The following SLC4A5 variants were observed in gnomAD, a reference collection of about 807,000 sequenced individuals.
SLC4A5 encodes solute carrier family 4 member 5, also known as electrogenic sodium bicarbonate cotransporter 4.
SLC4A5 carries 96 observed loss-of-function variants against 120.4 expected under a neutral mutation model. That is an observed-to-expected ratio of 0.80 (90% CI 0.68 to 0.94). The LOEUF (loss-of-function observed/expected upper bound fraction) is 0.94. Ranked by LOEUF, SLC4A5 falls within the 40% of genes least tolerant of loss-of-function variation. SLC4A5 has a pLI of 0.00. For synonymous variants in SLC4A5, 550 were observed against 571.1 expected, an observed-to-expected ratio of 0.96 and a Z score of 0.53; for missense variants, 1,259 against 1,459.5, an observed-to-expected ratio of 0.86 and a Z score of 2.24.
intron 12 of SLC4A5, among the ~76,000 whole-genome samples, chr2:74,258,331 G>C (rs1448285838): frequency 6.6e-6 from 1 of 152,252 alleles, no homozygotes; most frequent in Non-Finnish European, 1.5e-5. Flanking sequence ...TCAGCAAGGA[G>C]AACCAGATGC....
At chr2:74,232,445 T>C in intron 24 of SLC4A5, 24 bp downstream of exon 24, 1 of 1,608,496 alleles carries the variant, frequency 6.2e-7, no homozygotes, top group Non-Finnish European at 8.5e-7. Context: ...CATTGGGTGA[T>C]CCCTAGGCCC....
chr2:74,303,584 G>C (rs1041480930), intron 7 of SLC4A5, among the ~76,000 whole-genome samples: 11 of 152,126 alleles, frequency 7.2e-5, no homozygotes, highest in African/African-American at 2.7e-4. Context: ...TCTTAAGATT[G>C]ATCATTTTCT....
chr2:74,252,336 C>T, exon 16 of SLC4A5: 4 of 1,613,720 alleles, frequency 2.5e-6, no homozygotes, highest in East Asian at 2.2e-5. Context: ...CCGCCGCCTC[C>T]TCCCACAGAG....
At chr2:74,315,816 A>G (rs1672950990) in intron 5 of SLC4A5, among the ~76,000 whole-genome samples, 1 of 151,842 alleles carries the variant, frequency 6.6e-6, no homozygotes, top group Admixed American at 6.6e-5. Flanking sequence ...GAAAAAACAA[A>G]AGCAATCTAT....
intron 20 of SLC4A5, among the ~76,000 whole-genome samples, 161 bp from the exon 21 acceptor site, chr2:74,239,696 G>A (rs543967136): frequency 3.9e-5 from 6 of 152,118 alleles, no homozygotes; most frequent in Non-Finnish European, 8.8e-5. Flanking sequence ...TTCAAGGAAT[G>A]ACAAGCTCCC....
intron 6 of SLC4A5, chr2:74,308,037 G>T: frequency 1.9e-6 from 1 of 519,946 alleles, no homozygotes; most frequent in Non-Finnish European, 3.9e-6. Context: ...TGAGAGGAAA[G>T]GACTCAGGCT....
chr2:74,306,768 T>C lies in SLC4A5; in HGVS notation c.80-2088A>G, dbSNP rs752484362. 10 of 991,936 alleles carry C rather than the reference T, an allele frequency of 1.0e-5. No individual in the cohort carries two copies. The Admixed American group carries it at 1.3e-4, about 13-fold the overall frequency. 61.4% of individuals were successfully genotyped at this position (991,936 alleles called of 1,614,324 possible). A position where few individuals can be genotyped will look rare whatever the true frequency, so the allele number is the denominator to read the frequency against. ...GGTGTCATTATTCTCAGACACCACT[T>C]TGCCATCCACTATCCAGTGGGTAGT... On this transcript the variant is annotated intron_variant, in intron 6 of 30. Transcript: ENST00000394019.
intron 15 of SLC4A5, among the ~76,000 whole-genome samples, chr2:74,252,727 T>C (rs1311832407): frequency 1.3e-5 from 2 of 152,030 alleles, no homozygotes; most frequent in Non-Finnish European, 2.9e-5. Flanking sequence ...GCAGGGACTA[T>C]AGGTGCATGC....
intron 14 of SLC4A5, among the ~76,000 whole-genome samples, chr2:74,254,210 G>A (rs1206840543): frequency 2.0e-5 from 3 of 152,160 alleles, no homozygotes; most frequent in East Asian, 3.9e-4. Flanking sequence ...ATTACCTCCT[G>A]CCCTTGAAGC....
At chr2:74,290,639 G>T in intron 7 of SLC4A5, 8 of 982,150 alleles carry the variant, frequency 8.1e-6, no homozygotes, top group Non-Finnish European at 8.5e-6. Context: ...GAGAGAGAGA[G>T]AGAGAGAGAG....
intron 8 of SLC4A5, among the ~76,000 whole-genome samples, chr2:74,277,385 C>T (rs1671677866): frequency 6.6e-6 from 1 of 152,130 alleles, no homozygotes; most frequent in South Asian, 2.1e-4. Flanking sequence ...TCTATCTCTA[C>T]TAAAAACGCA....
chr2:74,262,038 G>T, intron 11 of SLC4A5, 99 bp downstream of exon 11: 1 of 1,098,646 alleles, frequency 9.1e-7, no homozygotes, highest in Non-Finnish European at 1.3e-6. Flanking sequence ...ATTCTTGGCA[G>T]ATCCTGGGCT....
intron 5 of SLC4A5, among the ~76,000 whole-genome samples, chr2:74,323,884 A>C (rs991573030): frequency 6.6e-6 from 1 of 152,202 alleles, no homozygotes; most frequent in Non-Finnish European, 1.5e-5. Flanking sequence ...TAGCAGGAAT[A>C]ATTATTACTA....
chr2:74,244,172 TGTTCTA>T (rs965187903), intron 19 of SLC4A5, among the ~76,000 whole-genome samples: 4 of 152,206 alleles, frequency 2.6e-5, no homozygotes, highest in African/African-American at 9.6e-5. Context: ...AAAACTAACT[TGTTCTA>T]GTTCTAGTTC....
chr2:74,262,936 G>T (rs1671188433), intron 10 of SLC4A5, among the ~76,000 whole-genome samples: 1 of 152,214 alleles, frequency 6.6e-6, no homozygotes, highest in Non-Finnish European at 1.5e-5. Flanking sequence ...TTGTGAGGAT[G>T]AAGTGAGTTA....
chr2:74,331,698 C>A (rs1319252010), intron 4 of SLC4A5, among the ~76,000 whole-genome samples: 1 of 151,964 alleles, frequency 6.6e-6, no homozygotes, highest in East Asian at 1.9e-4. Context: ...GGGAAATCTA[C>A]CTCTCTCCCT....
intron 27 of SLC4A5, 139 bp from the exon 28 acceptor site, chr2:74,225,134 A>G: frequency 1.4e-6 from 1 of 713,842 alleles, no homozygotes; most frequent in South Asian, 1.9e-5. Context: ...AGCCGTCTCG[A>G]AGCTCCCATA....
At chr2:74,248,373 C>G (rs1379955629) in exon 18 of SLC4A5, 1 of 1,614,134 alleles carries the variant, frequency 6.2e-7, no homozygotes, top group Non-Finnish European at 8.5e-7. Context: ...CGAAGAGGAG[C>G]TTCTCAAAGA....
At chr2:74,304,756 C>T in intron 6 of SLC4A5, 76 bp from the exon 7 acceptor site, 1 of 1,448,782 alleles carries the variant, frequency 6.9e-7, no homozygotes, top group Non-Finnish European at 9.4e-7. Context: ...TCATCAGTTA[C>T]AAAGAGATTG....
Sources: allele counts gnomAD v4.1 joint callset (sites outside exome capture counted in the v4.1 genomes callset), GRCh38; gene constraint gnomAD v4.1.1; transcripts MANE v1.5; gene names NCBI Gene and HGNC (gene_info 2026-07-23, HGNC 2026-07-21).